Variants in LRP2 observed in about 807,000 individuals in gnomAD.
The protein encoded by LRP2 is low-density lipoprotein receptor-related protein 2.
Under a neutral mutation model 531.0 loss-of-function variants are expected in LRP2, and 172 were observed. The observed-to-expected ratio is 0.32, with a 90% CI of 0.29 to 0.37. The LOEUF is 0.37. Among genes scored for constraint, LRP2 ranks in the 10% least tolerant of loss-of-function variants. LRP2 has a pLI of 1.00. For missense variants in LRP2, 5,167 were observed against 5,868.3 expected (o/e 0.88, Z 3.90); for synonymous variants, 1,992 against 2,027.6 (o/e 0.98, Z 0.47).
chr2:169,175,632 A>C (rs144930326), intron 54 of LRP2, among the ~76,000 whole-genome samples: 28 of 112,058 alleles, frequency 2.5e-4, no homozygotes, highest in African/African-American at 7.8e-4. Context: ...ATGATGAATA[A>C]ATTTCCTCCA....
chr2:169,210,132 A>G (rs1295224803), intron 37 of LRP2, among the ~76,000 whole-genome samples: 1 of 152,190 alleles, frequency 6.6e-6, no homozygotes, highest in Non-Finnish European at 1.5e-5. Context: ...ATATTATCTA[A>G]CAAATGTAAA....
At chr2:169,298,943 T>C (rs763784892) in intron 4 of LRP2, among the ~76,000 whole-genome samples, 1 of 150,868 alleles carries the variant, frequency 6.6e-6, no homozygotes, top group Non-Finnish European at 1.5e-5. Context: ...AATGCAGTAA[T>C]ATACAAGGAA....
At chr2:169,268,493 C>A (rs905797641) in intron 16 of LRP2, among the ~76,000 whole-genome samples, 1 of 152,080 alleles carries the variant, frequency 6.6e-6, no homozygotes, top group African/African-American at 2.4e-5. Context: ...ATAAACAGAA[C>A]CAAAGACAAA....
At chr2:169,222,733 G>A (rs1689063163) in intron 33 of LRP2, among the ~76,000 whole-genome samples, 1 of 152,158 alleles carries the variant, frequency 6.6e-6, no homozygotes, top group Non-Finnish European at 1.5e-5. Context: ...ACAATTATGT[G>A]AATGTGGTCT....
At chr2:169,156,750 C>T (rs747648238) in intron 64 of LRP2, among the ~76,000 whole-genome samples, 88 of 152,198 alleles carry the variant, frequency 5.8e-4, no homozygotes, top group African/African-American at 1.6e-3. Context: ...TTGTATTGTT[C>T]GGTGTCTCTT....
intron 66 of LRP2, among the ~76,000 whole-genome samples, chr2:169,154,062 T>C (rs11886411): frequency 3.3e-5 from 5 of 152,300 alleles, no homozygotes; most frequent in Admixed American, 6.5e-5. Flanking sequence ...TGAGCAATCA[T>C]AGAACTCTGC....
At chr2:169,324,542 A>C (rs1369554441) in intron 1 of LRP2, among the ~76,000 whole-genome samples, 1 of 152,154 alleles carries the variant, frequency 6.6e-6, no homozygotes, top group Non-Finnish European at 1.5e-5. Flanking sequence ...TGCAAAAAAA[A>C]TTTAAGCGTT....
At position 169,280,287 on chromosome 2, in the gene LRP2, A is replaced by G. The variant is rs79404296; in HGVS notation, c.1341+63T>C. Reference sequence around the variant, plus strand: ...GAACTTTCCCCTCTACTCCCTCTAAAAGTGAAAAGCTATCAACACTTTGTG... The same window carrying G: ...GAACTTTCCCCTCTACTCCCTCTAAGAGTGAAAAGCTATCAACACTTTGTG... On this transcript the variant is annotated intron_variant, in intron 11 of 78. Transcript: ENST00000649046. 2.2e-3 allele frequency: 3,496 copies of G among 1,590,042 alleles called. 61 individuals are homozygous for G. The African/African-American group carries it at 0.041, about 19-fold the overall frequency.
Position 169,206,884 on chromosome 2 carries a change from G to C in LRP2, c.6836C>G (p.Thr2279Ser), listed in dbSNP as rs770057549. The C allele has an allele frequency of 6.2e-7, 1 of 1,614,192 alleles. No individual in the cohort carries two copies. ...TTCAAAAACAGTGATGCCATAAGGAGTTGGGTAACGACTGCCATAACGAAT... is the reference window on the plus strand; with the variant it reads ...TTCAAAAACAGTGATGCCATAAGGACTTGGGTAACGACTGCCATAACGAAT... ...EVIRYGSRYP[T>S]PYGITVFENS... The change falls in exon 39 of 79, where the codon ACT becomes AGT. Residue 2279 changes from threonine (T) to serine (S), a missense_variant. By Grantham distance (58) the Thr-to-Ser change is moderately conservative. This residue lies in a region of LRP2 where 2,811 missense variants were observed against 3,058.0 expected (regional missense o/e 0.92). Coordinates refer to ENST00000649046, the MANE Select transcript of LRP2 (RefSeq NM_004525.3).
chr2:169,129,587 C>T (rs1218807537), intron 77 of LRP2, among the ~76,000 whole-genome samples: 1 of 152,174 alleles, frequency 6.6e-6, no homozygotes, highest in Non-Finnish European at 1.5e-5. Context: ...AAACATCTAA[C>T]ATTTATTGAG....
At chr2:169,168,467 T>C (rs1384066950) in intron 61 of LRP2, 72 bp downstream of exon 61, 2 of 1,583,386 alleles carry the variant, frequency 1.3e-6, no homozygotes, top group African/African-American at 1.3e-5. Flanking sequence ...CAGGCTCACA[T>C]GCTACACGTA....
At chr2:169,168,778 T>C in intron 60 of LRP2, 102 bp from the exon 61 acceptor site, 1 of 1,251,958 alleles carries the variant, frequency 8.0e-7, no homozygotes, top group Non-Finnish European at 1.2e-6. Context: ...TATAGCCTGC[T>C]CTTCTTTATT....
chr2:169,225,263 T>A, intron 33 of LRP2, 47 bp downstream of exon 33: 1 of 1,589,824 alleles, frequency 6.3e-7, no homozygotes, highest in Non-Finnish European at 8.6e-7. Flanking sequence ...AGAGTTTACA[T>A]CAATCTAAAT....
chr2:169,318,923 C>T, intron 2 of LRP2, 39 bp from the exon 3 acceptor site: 1 of 1,613,212 alleles, frequency 6.2e-7, no homozygotes, highest in Non-Finnish European at 8.5e-7. Flanking sequence ...TGGCAATCAT[C>T]CTCCCCATTA....
At chr2:169,318,675 A>G in intron 3 of LRP2, 87 bp downstream of exon 3, 1 of 1,578,330 alleles carries the variant, frequency 6.3e-7, no homozygotes, top group South Asian at 1.1e-5. Context: ...TTTATAAAGA[A>G]TCATCCCATT....
At chr2:169,232,043 GA>G (rs1385041212) in intron 30 of LRP2, among the ~76,000 whole-genome samples, 4 of 152,024 alleles carry the variant, frequency 2.6e-5, no homozygotes, top group Admixed American at 2.6e-4. Context: ...TTTCAACTTA[GA>G]ATTCATAAGA....
chr2:169,167,365 T>C (rs542403401), intron 61 of LRP2, among the ~76,000 whole-genome samples: 5 of 152,298 alleles, frequency 3.3e-5, no homozygotes, highest in Admixed American at 2.6e-4. Context: ...AAATGAGTAG[T>C]GATGAAGCTG....
intron 52 of LRP2, among the ~76,000 whole-genome samples, chr2:169,178,248 A>C (rs1332749853): frequency 6.6e-6 from 1 of 152,258 alleles, no homozygotes; most frequent in East Asian, 1.9e-4. Context: ...TACTTAACAA[A>C]ATAGGAATAG....
At chr2:169,346,521 T>C (rs891209967) in intron 1 of LRP2, among the ~76,000 whole-genome samples, 1 of 152,188 alleles carries the variant, frequency 6.6e-6, no homozygotes, top group Non-Finnish European at 1.5e-5. Flanking sequence ...ATTTGCAAAT[T>C]CTTTTTTTAT....
Sources: allele counts gnomAD v4.1 joint callset (sites outside exome capture counted in the v4.1 genomes callset), GRCh38; gene constraint gnomAD v4.1.1; regional missense constraint gnomAD v4.1.1; transcripts MANE v1.5; gene names NCBI Gene and HGNC (gene_info 2026-07-23, HGNC 2026-07-21).